The following NT5C2 variants were observed in gnomAD, a reference collection of about 807,000 sequenced individuals.
NT5C2 encodes cytosolic purine 5'-nucleotidase.
NT5C2 carries 58 observed loss-of-function variants against 76.1 expected under a neutral mutation model. The observed-to-expected ratio is 0.76, with a 90% CI of 0.62 to 0.95. The LOEUF (loss-of-function observed/expected upper bound fraction) is 0.95, where lower values mean the gene tolerates loss of function less well. Ranked by LOEUF, NT5C2 falls within the 40% of genes least tolerant of loss-of-function variation. NT5C2 has a pLI of 0.00. For synonymous variants in NT5C2, 229 were observed against 237.4 expected (o/e 0.96, Z 0.32); for missense variants, 478 against 690.3 (o/e 0.69, Z 3.45).
chr10:103,187,249 T>A (rs1322572756), intron 1 of NT5C2, among the ~76,000 whole-genome samples: 2 of 147,138 alleles, frequency 1.4e-5, no homozygotes, highest in Non-Finnish European at 3.0e-5. Context: ...GACTCCACCT[T>A]AAAAAAATAA....
chr10:103,161,517 T>A (rs374393426), intron 3 of NT5C2, among the ~76,000 whole-genome samples: 3 of 152,124 alleles, frequency 2.0e-5, no homozygotes, highest in African/African-American at 7.2e-5. Context: ...AATAATGAAG[T>A]ACTGAGATAG....
chr10:103,189,997 C>CTTTTTTTTT (rs1239145078), intron 1 of NT5C2, among the ~76,000 whole-genome samples: 2 of 108,046 alleles, frequency 1.9e-5, no homozygotes, highest in Non-Finnish European at 1.8e-5. Flanking sequence ...TTGTGGCTTT[C>CTTTTTTTTT]TTTTTTTTTT....
At chr10:103,159,251 G>A (rs1259227219) in intron 3 of NT5C2, among the ~76,000 whole-genome samples, 6 of 133,196 alleles carry the variant, frequency 4.5e-5, no homozygotes, top group East Asian at 2.2e-4. Context: ...TCCAAAACAT[G>A]CACACACACA....
chr10:103,184,355 T>C (rs2091732733), intron 1 of NT5C2, among the ~76,000 whole-genome samples: 1 of 152,202 alleles, frequency 6.6e-6, no homozygotes, highest in African/African-American at 2.4e-5. Flanking sequence ...CAACACTCAA[T>C]AGTTCACACA....
At chr10:103,134,329 A>C (rs903956678) in intron 4 of NT5C2, among the ~76,000 whole-genome samples, 26 of 152,188 alleles carry the variant, frequency 1.7e-4, no homozygotes, top group African/African-American at 6.0e-4. Context: ...TGCTGTGTGC[A>C]GTCTGGCGAC....
intron 4 of NT5C2, among the ~76,000 whole-genome samples, chr10:103,123,942 T>C (rs1005131906): frequency 1.2e-4 from 19 of 152,158 alleles, no homozygotes; most frequent in Non-Finnish European, 2.2e-4. Context: ...CAAGAGTCAC[T>C]CTATATTTGT....
rs140227748 is a variant in NT5C2 at position 103,126,591 on chromosome 10, C to A, written c.175+12815G>T. On this transcript the variant is annotated intron_variant, in intron 4 of 18. Coordinates refer to ENST00000404739, the MANE Select transcript of NT5C2 (RefSeq NM_001351169.2). ...GAGCAGAGATCATGCCACTGCACTGCAGCCTGGGTGACAGAGCGAGACTCC... is the reference window on the plus strand; with the variant it reads ...GAGCAGAGATCATGCCACTGCACTGAAGCCTGGGTGACAGAGCGAGACTCC... Among the ~76,000 whole-genome samples, 616 of 152,300 alleles carry A rather than the reference C, an allele frequency of 4.0e-3. 20 individuals carry two copies. The East Asian group carries it at 0.072, about 18-fold the overall frequency.
chr10:103,180,268 T>C (rs746729325), intron 2 of NT5C2, among the ~76,000 whole-genome samples: 24 of 152,202 alleles, frequency 1.6e-4, no homozygotes, highest in Admixed American at 9.2e-4. Context: ...GTTGAGAATG[T>C]AGAGCAACCT....
At chr10:103,136,831 G>A (rs1396896036) in intron 4 of NT5C2, among the ~76,000 whole-genome samples, 1 of 152,016 alleles carries the variant, frequency 6.6e-6, no homozygotes, top group African/African-American at 2.4e-5. Context: ...TCACCATGTT[G>A]GGCAGGCTGG....
At position 103,088,241 on chromosome 10, in the gene NT5C2, A is replaced by G. The variant is rs1455425406; in HGVS notation, c.*1431T>C. ...TGACAAGAATGGAAGAAAATATACA[A>G]TGGTTAAAGAAAGAGTCTATAACCA... On this transcript the variant is annotated 3_prime_UTR_variant, in exon 19 of 19. Transcript: ENST00000404739. The G allele has an allele frequency of 3.3e-5, 5 of 152,230 alleles. No homozygotes were observed. Among genetic ancestry groups the G allele is most frequent in the African/African-American group, 1.2e-4 (5 of 41,468 alleles). The allele number at this position is 152,230 out of a possible 1,614,324, so 9.4% of individuals were successfully genotyped here. A position where few individuals can be genotyped will look rare whatever the true frequency, so the allele number is the denominator to read the frequency against.
chr10:103,122,807 G>C (rs1419467543), intron 4 of NT5C2, among the ~76,000 whole-genome samples: 1 of 152,150 alleles, frequency 6.6e-6, no homozygotes, highest in Non-Finnish European at 1.5e-5. Context: ...TGAATGAACA[G>C]AGCTTACTAA....
intron 16 of NT5C2, 114 bp from the exon 17 acceptor site, chr10:103,091,110 C>T: frequency 2.4e-6 from 2 of 834,474 alleles, no homozygotes; most frequent in Admixed American, 4.2e-5. Flanking sequence ...TCGCGGCTCA[C>T]TGCAACCTCT....
intron 3 of NT5C2, among the ~76,000 whole-genome samples, chr10:103,169,012 TTTA>T (rs2087111888): frequency 1.5e-5 from 2 of 133,208 alleles, no homozygotes; most frequent in Non-Finnish European, 3.3e-5. Context: ...ATGGTTTCTA[TTTA>T]AAATTTTTAA....
intron 4 of NT5C2, among the ~76,000 whole-genome samples, chr10:103,127,184 AGT>A (rs2076828615): frequency 6.6e-6 from 1 of 152,238 alleles, no homozygotes; most frequent in Non-Finnish European, 1.5e-5. Context: ...AGATAAATAA[AGT>A]GTTAATCTAC....
At chr10:103,167,403 C>T (rs1299385883) in intron 3 of NT5C2, among the ~76,000 whole-genome samples, 1 of 152,116 alleles carries the variant, frequency 6.6e-6, no homozygotes, top group Non-Finnish European at 1.5e-5. Flanking sequence ...TACAAAGTGG[C>T]TACTGAAATT....
At chr10:103,175,146 T>G (rs1006067525) in intron 2 of NT5C2, among the ~76,000 whole-genome samples, 164 bp from the exon 3 acceptor site, 6 of 152,106 alleles carry the variant, frequency 3.9e-5, no homozygotes, top group African/African-American at 1.4e-4. Context: ...TACTGACACT[T>G]CTCAATAATC....
chr10:103,164,193 A>G (rs1394659463), intron 3 of NT5C2, among the ~76,000 whole-genome samples: 4 of 152,122 alleles, frequency 2.6e-5, no homozygotes, highest in Non-Finnish European at 4.4e-5. Context: ...GGCTGCAGTG[A>G]GCTATGATTG....
chr10:103,108,703 A>G (rs1447314936), intron 4 of NT5C2, among the ~76,000 whole-genome samples: 1 of 152,152 alleles, frequency 6.6e-6, no homozygotes, highest in Admixed American at 6.5e-5. Flanking sequence ...TTTAATAAAT[A>G]TTTGTCAGAT....
At chr10:103,161,194 T>C (rs1565229458) in intron 3 of NT5C2, among the ~76,000 whole-genome samples, 1 of 152,214 alleles carries the variant, frequency 6.6e-6, no homozygotes, top group Non-Finnish European at 1.5e-5. Flanking sequence ...ATTTTTTTTC[T>C]TTAGACAAGG....
Sources: allele counts gnomAD v4.1 joint callset (sites outside exome capture counted in the v4.1 genomes callset), GRCh38; gene constraint gnomAD v4.1.1; transcripts MANE v1.5; gene names NCBI Gene and HGNC (gene_info 2026-07-23, HGNC 2026-07-21).